RNF111: variants seen among roughly 807,000 people sequenced by gnomAD.
RNF111 encodes E3 ubiquitin-protein ligase Arkadia.
Under a neutral mutation model 95.1 loss-of-function variants are expected in RNF111, and 17 were observed. The observed-to-expected ratio is 0.18, with a 90% CI of 0.12 to 0.27. The LOEUF (loss-of-function observed/expected upper bound fraction) is 0.27. Among genes scored for constraint, RNF111 ranks in the 10% least tolerant of loss-of-function variants. RNF111 has a pLI of 1.00. For synonymous variants in RNF111, 440 were observed against 414.8 expected (o/e 1.06, Z -0.74); for missense variants, 1,189 against 1,210.4 (o/e 0.98, Z 0.26).
intron 2 of RNF111, among the ~76,000 whole-genome samples, chr15:59,033,974 A>C (rs2041045454): frequency 1.3e-5 from 2 of 152,228 alleles, no homozygotes; most frequent in South Asian, 4.1e-4. Flanking sequence ...TTCACACGAT[A>C]TGGAATTTTA....
At chr15:59,064,179 C>G (rs1228892271) in intron 5 of RNF111, among the ~76,000 whole-genome samples, 1 of 152,124 alleles carries the variant, frequency 6.6e-6, no homozygotes, top group Non-Finnish European at 1.5e-5. Context: ...ATTTGGAATA[C>G]AAGTGAATGA....
rs534176988 is a variant in RNF111 at position 59,065,917 on chromosome 15, A to T, written c.1367-847A>T. Among the ~76,000 whole-genome samples the T allele has an allele frequency of 3.0e-3, 449 of 152,172 alleles. 2 individuals are homozygous for T. Among genetic ancestry groups the T allele is most frequent in the Middle Eastern group, 0.01 (3 of 292 alleles). On this transcript the variant is annotated intron_variant, in intron 5 of 13. Transcript: ENST00000348370. ...TCCCAGCTACTTAGGAGGCTGAGGC[A>T]GGAGAATCTGTTGAGCAAATATATA... is the stretch of plus-strand genomic sequence containing the variant.
chr15:59,085,784 T>C lies in RNF111; in HGVS notation c.2549T>C (p.Met850Thr). Residue 850 changes from methionine to threonine, a missense_variant and splice_region_variant, in exon 10 of 14, where the codon ATG (methionine) becomes ACG (threonine). Transcript: ENST00000348370. ...TTACAATTAGGAGCTCTTCCTTTAA[T>C]GGTAAAATGGAAAATTTTCAAAATT... ...HHLQLGALPLMVPDMAGYPHI... is the reference protein window; with the variant it reads ...HHLQLGALPLTVPDMAGYPHI... 6.2e-7 allele frequency: 1 copy of C among 1,611,040 alleles called. No homozygotes were observed. The highest frequency in any genetic ancestry group is 8.5e-7 in the Non-Finnish European group (1 of 1,178,640).
intron 1 of RNF111, among the ~76,000 whole-genome samples, chr15:59,027,314 T>A (rs1383293745): frequency 6.6e-6 from 1 of 152,186 alleles, no homozygotes; most frequent in East Asian, 1.9e-4. Context: ...ATCATGAGAC[T>A]TCTGTTGCTG....
intron 1 of RNF111, among the ~76,000 whole-genome samples, chr15:59,030,594 T>C (rs1294963496): frequency 3.3e-5 from 5 of 152,160 alleles, no homozygotes; most frequent in Non-Finnish European, 7.4e-5. Context: ...CTACTGTATT[T>C]CTAAAAATTG....
At chr15:59,046,268 C>T (rs1458269191) in intron 2 of RNF111, among the ~76,000 whole-genome samples, 3 of 151,822 alleles carry the variant, frequency 2.0e-5, no homozygotes, top group African/African-American at 7.3e-5. Flanking sequence ...ATCAGGGGTC[C>T]CTGCAGCCTC....
At chr15:59,060,926 GA>G (rs2042409708) in intron 5 of RNF111, among the ~76,000 whole-genome samples, 1 of 151,752 alleles carries the variant, frequency 6.6e-6, no homozygotes, top group African/African-American at 2.4e-5. Flanking sequence ...GTAGATGGGG[GA>G]CCACAGGCAT....
chr15:59,001,275 T>C (rs1452582400), intron 1 of RNF111, among the ~76,000 whole-genome samples: 1 of 152,198 alleles, frequency 6.6e-6, no homozygotes, highest in African/African-American at 2.4e-5. Context: ...GAAGGGTTCA[T>C]GTTCTTCAGT....
At chr15:59,042,893 C>A (rs1035733019) in intron 2 of RNF111, among the ~76,000 whole-genome samples, 1 of 152,014 alleles carries the variant, frequency 6.6e-6, no homozygotes, top group African/African-American at 2.4e-5. Flanking sequence ...AGTTTGTTTA[C>A]ATGGAGGTGT....
chr15:59,076,647 G>A (rs2078572587), intron 7 of RNF111, among the ~76,000 whole-genome samples: 1 of 152,152 alleles, frequency 6.6e-6, no homozygotes, highest in Non-Finnish European at 1.5e-5. Flanking sequence ...ATGGCTTGAG[G>A]CCAGGAGTTT....
chr15:59,067,116 G>A, intron 6 of RNF111, 33 bp downstream of exon 6: 1 of 1,552,100 alleles, frequency 6.4e-7, no homozygotes, highest in Non-Finnish European at 8.8e-7. Context: ...TTTCTTTCCT[G>A]CCCCTCTTGT....
chr15:59,081,161 C>T lies in RNF111; in HGVS notation c.2174C>T (p.Pro725Leu), dbSNP rs1259214941. The T allele has an allele frequency of 3.7e-6, 6 of 1,614,206 alleles. No homozygotes were observed. Among genetic ancestry groups the T allele is most frequent in the South Asian group, 2.2e-5 (2 of 91,084 alleles). ...STAAPIPQHL[P>L]PTHQPISHHI... ...GCTGCACCAATCCCTCAGCATCTTC[C>T]TCCTACACACCAGCCAATTTCGCAC... The change falls in exon 8 of 14, where the codon CCT becomes CTT. Residue 725 changes from proline (P) to leucine (L), a missense_variant. This residue lies in a region of RNF111 where 1,024 missense variants were observed against 925.9 expected (regional missense o/e 1.11). Transcript: ENST00000348370.
At chr15:59,085,197 AT>A (rs2078862599) in intron 9 of RNF111, among the ~76,000 whole-genome samples, 1 of 152,224 alleles carries the variant, frequency 6.6e-6, no homozygotes, top group Non-Finnish European at 1.5e-5. Flanking sequence ...CCCTTCTAAA[AT>A]TTTGTTTGCC....
chr15:59,008,884 T>A (rs1346988924), intron 1 of RNF111, among the ~76,000 whole-genome samples: 1 of 152,242 alleles, frequency 6.6e-6, no homozygotes, highest in Non-Finnish European at 1.5e-5. Context: ...ATGTATAATA[T>A]GAGAAACTTA....
chr15:59,090,785 T>C (rs1021889032), intron 11 of RNF111, among the ~76,000 whole-genome samples: 1 of 152,148 alleles, frequency 6.6e-6, no homozygotes, highest in East Asian at 1.9e-4. Flanking sequence ...AAGTCAGGCA[T>C]GGTGGCTCAC....
In RNF111 at chr15:59,006,248, T is replaced by C. The variant is rs570554939; in HGVS notation, c.-20+18180T>C. Among the ~76,000 whole-genome samples, 58 of 152,370 alleles carry C rather than the reference T, an allele frequency of 3.8e-4. No homozygotes were observed. The South Asian group carries it at 0.012, about 32-fold the overall frequency. ...TATACAATATGAGGCACACGTTTTA[T>C]GTATAGTTGGATGAATTTTGGCAAA... On this transcript the variant is annotated intron_variant, in intron 1 of 13. Transcript: ENST00000348370.
chr15:59,068,560 C>T (rs192834814), intron 6 of RNF111, among the ~76,000 whole-genome samples: 6 of 152,122 alleles, frequency 3.9e-5, no homozygotes, highest in African/African-American at 9.6e-5. Flanking sequence ...GAGCCAAGAT[C>T]GTGCCACTGC....
Position 59,026,691 on chromosome 15 carries a change from A to G in RNF111, c.-19-4113A>G, listed in dbSNP as rs1004558899. 2.2e-4 allele frequency among the ~76,000 whole-genome samples: 34 copies of G among 151,592 alleles called. 1 individual carries two copies. Among genetic ancestry groups the G allele is most frequent in the Admixed American group, 2.1e-3 (31 of 15,110 alleles). On this transcript the variant is annotated intron_variant, in intron 1 of 13. Transcript: ENST00000348370. Reference sequence around the variant, plus strand: ...AACTTTCCTCTTCTAAGTTCAAAATACAGCCTGATACAATTACAGGGATGG... The same window carrying G: ...AACTTTCCTCTTCTAAGTTCAAAATGCAGCCTGATACAATTACAGGGATGG...
At position 59,066,751 on chromosome 15, in the gene RNF111, T is replaced by C; in HGVS notation, c.1367-13T>C. ...ATGATTTGATTATTCTGTGCATTTT[T>C]TTCTGTTTCAAGATGACTCAAGGAG... is the stretch of plus-strand genomic sequence containing the variant. On this transcript the variant is annotated splice_polypyrimidine_tract_variant and intron_variant, in intron 5 of 13. Coordinates refer to ENST00000348370, the MANE Select transcript of RNF111 (RefSeq NM_017610.8). The C allele has an allele frequency of 1.2e-6, 2 of 1,603,188 alleles. No homozygotes were observed. Among genetic ancestry groups the C allele is most frequent in the South Asian group, 1.1e-5 (1 of 90,492 alleles).
Sources: allele counts gnomAD v4.1 joint callset (sites outside exome capture counted in the v4.1 genomes callset), GRCh38; gene constraint gnomAD v4.1.1; regional missense constraint gnomAD v4.1.1; transcripts MANE v1.5; gene names NCBI Gene and HGNC (gene_info 2026-07-23, HGNC 2026-07-21).